Variants in FOXN1 observed in about 807,000 individuals in gnomAD.
FOXN1 encodes the protein forkhead box protein N1.
FOXN1 carries 15 observed loss-of-function variants against 49.0 expected under a neutral mutation model. The observed-to-expected ratio is 0.31, with a 90% confidence interval of 0.20 to 0.47. The LOEUF is 0.47. Among genes scored for constraint, FOXN1 ranks in the 20% least tolerant of loss-of-function variants. FOXN1 has a pLI of 1.00. For missense variants in FOXN1, 800 were observed against 842.8 expected, an observed-to-expected ratio of 0.95 and a Z score of 0.63; for synonymous variants, 356 against 369.0, an observed-to-expected ratio of 0.96 and a Z score of 0.40.
At chr17:28,514,661 G>A (rs2069459920) in intron 1 of FOXN1, among the ~76,000 whole-genome samples, 1 of 151,618 alleles carries the variant, frequency 6.6e-6, no homozygotes, top group African/African-American at 2.4e-5. Context: ...CCCACCCCTC[G>A]TAAAACATGC....
rs768979426 is a variant in FOXN1, at chr17:28,537,158, G to C, written c.1669G>C (p.Asp557His). The C allele has an allele frequency of 6.2e-7, 1 of 1,613,892 alleles. No individual in the cohort carries two copies. Among genetic ancestry groups the C allele is most frequent in the Non-Finnish European group, 8.5e-7 (1 of 1,179,956 alleles). Residue 557 changes from aspartate (D) to histidine (H), a missense_variant, in exon 9 of 9, where the codon GAC becomes CAC. Physicochemically the swap from Asp to His is moderately conservative, Grantham distance 81. This residue lies in a region of FOXN1 where 344 missense variants were observed against 366.1 expected (regional missense o/e 0.94). Coordinates refer to ENST00000579795, the MANE Select transcript of FOXN1 (RefSeq NM_001369369.1). ...EQLKDDSLAL[D>H]PLVLVTSSPT... ...GTTGAAGGATGATAGCTTGGCCCTCGACCCCCTGGTACTGGTGACCTCATC... is the reference window on the plus strand; with the variant it reads ...GTTGAAGGATGATAGCTTGGCCCTCCACCCCCTGGTACTGGTGACCTCATC...
intron 8 of FOXN1, among the ~76,000 whole-genome samples, chr17:28,536,640 C>A (rs891442736): frequency 6.6e-6 from 1 of 152,212 alleles, no homozygotes; most frequent in Non-Finnish European, 1.5e-5. Flanking sequence ...CTCAGGTGTG[C>A]ATCCTGGCTC....
intron 5 of FOXN1, among the ~76,000 whole-genome samples, chr17:28,530,409 T>A (rs2069882960): frequency 6.6e-6 from 1 of 152,172 alleles, no homozygotes; most frequent in South Asian, 2.1e-4. Context: ...GTGCCTTCTA[T>A]GTGACAGGCA....
chr17:28,534,478 G>A lies in FOXN1; in HGVS notation c.1075G>A (p.Glu359Lys), dbSNP rs2069998681. ...NPAKIDKMQE[E>K]LQKWKRKDPI... ...GGCCAAGATCGACAAGATGCAAGAGGAGCTGCAAAAATGGAAGAGGAAAGA... is the reference window on the plus strand; with the variant it reads ...GGCCAAGATCGACAAGATGCAAGAGAAGCTGCAAAAATGGAAGAGGAAAGA... Residue 359 changes from glutamate to lysine, a missense_variant, in exon 7 of 9, where the codon GAG becomes AAG. Around this residue, in one of 3 missense-constraint regions of FOXN1, gnomAD observed 73 missense variants for 118.9 expected, o/e 0.61. Coordinates refer to ENST00000579795, the MANE Select transcript of FOXN1 (RefSeq NM_001369369.1). The surrounding 1 kb of genome is among the most constrained non-coding windows in gnomAD (Gnocchi z 4.1). 6.2e-7 allele frequency: 1 copy of A among 1,613,992 alleles called. No homozygotes were observed. Among genetic ancestry groups the A allele is most frequent in the Non-Finnish European group, 8.5e-7 (1 of 1,179,998 alleles).
intron 1 of FOXN1, 100 bp from the exon 2 acceptor site, chr17:28,523,856 G>T: frequency 1.0e-6 from 1 of 1,004,308 alleles, no homozygotes; most frequent in South Asian, 1.3e-5. Flanking sequence ...CTGGAGGCAG[G>T]GTCCCAGCCC....
At chr17:28,533,850 G>T (rs1036109132) in intron 6 of FOXN1, among the ~76,000 whole-genome samples, 1 of 152,158 alleles carries the variant, frequency 6.6e-6, no homozygotes, top group African/African-American at 2.4e-5. Flanking sequence ...TCCCAGAGGG[G>T]ATAAGGCAGA....
Position 28,534,113 on chromosome 17 carries a change from T to TGA in FOXN1, c.928-215_928-214dup, listed in dbSNP as rs1232342236. 6.6e-6 allele frequency among the ~76,000 whole-genome samples: 1 copy of TGA among 152,124 alleles called. No homozygotes were observed. The highest frequency in any genetic ancestry group is 1.5e-5 in the Non-Finnish European group (1 of 68,026). On this transcript the variant is annotated intron_variant, in intron 6 of 8. Transcript: ENST00000579795. This position sits in a 1 kb window ranked among gnomAD's most constrained non-coding sequence, Gnocchi z 4.1. ...GATGCGGGTGGGATGAAGGCAGATT[T>TGA]GAGATGAAAATAACTTGGGGTCAAG...
intron 1 of FOXN1, among the ~76,000 whole-genome samples, chr17:28,510,491 A>G (rs2069366810): frequency 1.3e-5 from 2 of 151,588 alleles, no homozygotes; most frequent in Admixed American, 1.3e-4. Flanking sequence ...TGTAAATTCC[A>G]TAGCCATGTC....
chr17:28,521,542 C>T (rs954253020), intron 1 of FOXN1, among the ~76,000 whole-genome samples: 11 of 152,270 alleles, frequency 7.2e-5, no homozygotes, highest in African/African-American at 2.7e-4. Flanking sequence ...CCCATGCCTG[C>T]TCCGCTGTGG....
Position 28,534,803 on chromosome 17 carries a change from G to A in FOXN1, c.1232G>A (p.Arg411Gln), listed in dbSNP as rs373908977. ...PPGLSGSGPI[R>Q]PLAPPAGLSP... is the part of the protein sequence containing the mutation. ...GGGCTGTCCGGCTCAGGCCCCATCC[G>A]GCCCCTGGCACCCCCAGCTGGCCTC... The change falls in exon 8 of 9, where the codon CGG (arginine) becomes CAG (glutamine). Residue 411 changes from arginine (R) to glutamine (Q), a missense_variant. Physicochemically the swap from Arg to Gln is conservative, Grantham distance 43 (BLOSUM62 1). Coordinates refer to ENST00000579795, the MANE Select transcript of FOXN1 (RefSeq NM_001369369.1). This position sits in a 1 kb window ranked among gnomAD's most constrained non-coding sequence, Gnocchi z 4.1. The A allele has an allele frequency of 1.3e-4, 217 of 1,613,686 alleles. 1 individual carries two copies. The highest frequency in any genetic ancestry group is 4.5e-4 in the South Asian group (41 of 91,060).
chr17:28,534,584 A>T lies in FOXN1; in HGVS notation c.1135+46A>T. 1 of 1,573,296 alleles carries T rather than the reference A, an allele frequency of 6.4e-7. No homozygotes were observed. The highest frequency in any genetic ancestry group is 8.6e-7 in the Non-Finnish European group (1 of 1,163,146). On this transcript the variant is annotated intron_variant, in intron 7 of 8. Coordinates refer to ENST00000579795, the MANE Select transcript of FOXN1 (RefSeq NM_001369369.1). This position sits in a 1 kb window ranked among gnomAD's most constrained non-coding sequence, Gnocchi z 4.1. ...CAAGGAAGGGCCCAGGGTACTCATG[A>T]GCCAAAAAAAAAAAAAAGAGAGAAT...
chr17:28,528,977 C>T (rs2069840321), intron 4 of FOXN1, 117 bp from the exon 5 acceptor site: 1 of 1,368,856 alleles, frequency 7.3e-7, no homozygotes, highest in African/African-American at 1.4e-5. Context: ...GGCCCATGAC[C>T]CAGGAGGGAA....
intron 1 of FOXN1, among the ~76,000 whole-genome samples, chr17:28,517,176 GGGTACACACCTCCACAGGA>G: frequency 2.2e-5 from 3 of 138,396 alleles, no homozygotes; most frequent in Admixed American, 7.1e-5. Context: ...CACCTCCACA[GGGTACACACCTCCACAGGA>G]TACACACCTC....
At chr17:28,527,509 G>A in intron 4 of FOXN1, 148 bp downstream of exon 4, 2 of 676,396 alleles carry the variant, frequency 3.0e-6, no homozygotes, top group African/African-American at 3.5e-5. Flanking sequence ...CTTGGCCACA[G>A]CAGGTGGCGG....
chr17:28,518,263 A>G (rs894285827), intron 1 of FOXN1, among the ~76,000 whole-genome samples: 1 of 152,250 alleles, frequency 6.6e-6, no homozygotes, highest in Non-Finnish European at 1.5e-5. Flanking sequence ...GATTAGCCTC[A>G]GCATCTTTAG....
chr17:28,527,175 T>C (rs1052947930), intron 3 of FOXN1, 76 bp from the exon 4 acceptor site: 3 of 986,938 alleles, frequency 3.0e-6, no homozygotes, highest in Non-Finnish European at 3.2e-6. Context: ...GTTGCTTTTA[T>C]GTAAGGTTCA....
intron 1 of FOXN1, 81 bp from the exon 2 acceptor site, chr17:28,523,875 G>A: frequency 7.7e-7 from 1 of 1,304,428 alleles, no homozygotes; most frequent in Non-Finnish European, 1.1e-6. Context: ...CCAAGGATGG[G>A]GTTGGGGTGG....
In FOXN1 at chr17:28,537,789, A is replaced by G; in HGVS notation, c.*353A>G. On this transcript the variant is annotated 3_prime_UTR_variant, in exon 9 of 9. Coordinates refer to ENST00000579795, the MANE Select transcript of FOXN1 (RefSeq NM_001369369.1). Reference sequence around the variant, plus strand: ...ACACCCACCCACATATCTTACAGCCAGAGGAACCAGCACTCCATCACTGAG... The same window carrying G: ...ACACCCACCCACATATCTTACAGCCGGAGGAACCAGCACTCCATCACTGAG... 1 of 386,840 alleles carries G rather than the reference A, an allele frequency of 2.6e-6. No homozygotes were observed. Among genetic ancestry groups the G allele is most frequent in the Non-Finnish European group, 4.9e-6 (1 of 203,636 alleles). The allele number at this position is 386,840 out of a possible 1,614,324, so 24.0% of individuals were successfully genotyped here. A position where few individuals can be genotyped will look rare whatever the true frequency, so the allele number is the denominator to read the frequency against.
chr17:28,512,003 C>T (rs1351629355), intron 1 of FOXN1, among the ~76,000 whole-genome samples: 2 of 152,168 alleles, frequency 1.3e-5, no homozygotes, highest in Non-Finnish European at 2.9e-5. Context: ...GTGGGACCAT[C>T]GGGCTCAGCC....
Sources: gnomAD v4.1 joint callset for allele counts (sites outside exome capture counted in the v4.1 genomes callset) on GRCh38, gnomAD v4.1.1 for gene constraint, gnomAD v4.1.1 regional missense constraint, Gnocchi (gnomAD v3.1) non-coding constraint, MANE v1.5 for transcripts, NCBI Gene and HGNC (gene_info 2026-07-23, HGNC 2026-07-21) for gene names.